Variants in TENM2 observed in about 807,000 individuals in gnomAD.
The protein encoded by TENM2 is teneurin transmembrane protein 2.
In TENM2, 52 loss-of-function variants were observed where a neutral mutation model predicts 245.2. That is an observed-to-expected ratio of 0.21 (90% CI 0.17 to 0.27). The LOEUF is 0.27. Among genes scored for constraint, TENM2 ranks in the 10% least tolerant of loss-of-function variants. TENM2 has a pLI of 1.00. For missense variants in TENM2, 3,046 were observed against 3,666.8 expected (o/e 0.83, Z 4.37); for synonymous variants, 1,363 against 1,438.9 (o/e 0.95, Z 1.19).
chr5:167,771,194 G>A (rs1016627946), intron 2 of TENM2, among the ~76,000 whole-genome samples: 7 of 151,996 alleles, frequency 4.6e-5, no homozygotes, highest in African/African-American at 1.7e-4. Flanking sequence ...GATTAGCCCA[G>A]CACTAAAGAA....
chr5:167,646,626 C>T (rs565763398), intron 2 of TENM2, among the ~76,000 whole-genome samples: 11 of 152,116 alleles, frequency 7.2e-5, no homozygotes, highest in African/African-American at 2.4e-4. Context: ...GACACAAATT[C>T]AGCTAGGCAG....
chr5:167,557,445 C>G (rs548358789), intron 2 of TENM2, among the ~76,000 whole-genome samples: 2 of 152,280 alleles, frequency 1.3e-5, no homozygotes, highest in East Asian at 3.9e-4. Flanking sequence ...TACTTTTACT[C>G]TCCTGCATTT....
At chr5:168,014,354 C>T (rs1222786962) in intron 5 of TENM2, among the ~76,000 whole-genome samples, 1 of 152,126 alleles carries the variant, frequency 6.6e-6, no homozygotes, top group African/African-American at 2.4e-5. Context: ...TATTAGGTGA[C>T]CTTCTCCAAA....
chr5:167,179,179 G>C, the TENM2 span, among the ~76,000 whole-genome samples: 13 of 152,136 alleles, frequency 8.5e-5, no homozygotes, highest in East Asian at 1.9e-4. Context: ...AATTGGCACT[G>C]TCCTCATCCT....
At chr5:167,318,643 A>T (rs1220620722) in intron 1 of TENM2, among the ~76,000 whole-genome samples, 1 of 152,202 alleles carries the variant, frequency 6.6e-6, no homozygotes, top group African/African-American at 2.4e-5. Flanking sequence ...ATGGCAGCTG[A>T]GTCAAAAAGA....
chr5:168,215,308 TA>T (rs1763094794), intron 21 of TENM2, 36 bp downstream of exon 23: 1 of 1,572,910 alleles, frequency 6.4e-7, no homozygotes, highest in Non-Finnish European at 8.7e-7. Context: ...CCGCCCCAGA[TA>T]AAGCTTTGCC....
intron 3 of TENM2, among the ~76,000 whole-genome samples, chr5:167,931,346 A>C (rs1778266762): frequency 6.6e-6 from 1 of 152,106 alleles, no homozygotes; most frequent in African/African-American, 2.4e-5. Flanking sequence ...GTGAGAATGC[A>C]CTTCTGATAA....
At chr5:167,213,572 T>C in the TENM2 span, among the ~76,000 whole-genome samples, 1 of 152,112 alleles carries the variant, frequency 6.6e-6, no homozygotes, top group Non-Finnish European at 1.5e-5. Flanking sequence ...CTATAGCAAA[T>C]GGTAGTGCTG....
chr5:167,296,236 T>A (rs79164661), intron 1 of TENM2: 6,194 of 152,306 alleles, frequency 0.041, 168 homozygotes, highest in African/African-American at 0.077. Flanking sequence ...CCCTGATTTA[T>A]GAATAGTCGG....
intron 2 of TENM2, among the ~76,000 whole-genome samples, chr5:167,659,131 A>G (rs1392628833): frequency 1.3e-5 from 2 of 152,200 alleles, no homozygotes; most frequent in Non-Finnish European, 2.9e-5. Context: ...CCAGCACAAG[A>G]GAGCCTGTTA....
chr5:167,521,605 G>C (rs1204198257), intron 2 of TENM2, among the ~76,000 whole-genome samples: 15 of 152,112 alleles, frequency 9.9e-5, no homozygotes, highest in Admixed American at 9.8e-4. Context: ...CTTCTGACTG[G>C]TTACAGAAAT....
intron 12 of TENM2, among the ~76,000 whole-genome samples, chr5:168,156,262 A>AAAAAAAAC (rs1026280502): frequency 6.7e-6 from 1 of 149,046 alleles, no homozygotes; most frequent in Non-Finnish European, 1.5e-5. Flanking sequence ...AAAAAAAAAA[A>AAAAAAAAC]AAAACACTTT....
chr5:167,424,753 C>A (rs1246977177), intron 2 of TENM2, among the ~76,000 whole-genome samples: 2 of 151,912 alleles, frequency 1.3e-5, no homozygotes, highest in Non-Finnish European at 2.9e-5. Flanking sequence ...AAAAAAAAAT[C>A]TTCTGTTCAG....
At chr5:167,203,771 TA>T in the TENM2 span, among the ~76,000 whole-genome samples, 1 of 152,042 alleles carries the variant, frequency 6.6e-6, no homozygotes, top group Non-Finnish European at 1.5e-5. Flanking sequence ...AAATTTTTTT[TA>T]TTTTTATATA....
intron 2 of TENM2, among the ~76,000 whole-genome samples, chr5:167,533,686 C>T (rs567275618): frequency 1.1e-4 from 16 of 152,150 alleles, no homozygotes; most frequent in African/African-American, 3.6e-4. Context: ...TCTCAAATTC[C>T]TGAGCTGAAG....
At chr5:167,572,928 G>A (rs1465025111) in intron 2 of TENM2, among the ~76,000 whole-genome samples, 1 of 152,126 alleles carries the variant, frequency 6.6e-6, no homozygotes, top group African/African-American at 2.4e-5. Context: ...TTTCCTAATA[G>A]CTTCTTTTCC....
At chr5:168,130,889 CA>C (rs927417589) in intron 12 of TENM2, among the ~76,000 whole-genome samples, 2 of 151,440 alleles carry the variant, frequency 1.3e-5, no homozygotes, top group African/African-American at 4.9e-5. Flanking sequence ...GATCCTGTCT[CA>C]AAAAAAATAC....
At chr5:168,022,528 C>T (rs1210747061) in intron 5 of TENM2, among the ~76,000 whole-genome samples, 1 of 152,214 alleles carries the variant, frequency 6.6e-6, no homozygotes, top group Non-Finnish European at 1.5e-5. Context: ...GCCCATTTTT[C>T]GCCACAACTC....
rs373474275 is a variant in TENM2, at chr5:167,722,957, AC to A, written c.503-153028del. Among the ~76,000 whole-genome samples, 341 of 152,270 alleles carry A rather than the reference AC, an allele frequency of 2.2e-3. 2 individuals are homozygous for A. Among genetic ancestry groups the A allele is most frequent in the Middle Eastern group, 0.01 (3 of 294 alleles). ...TAGTGAGAGTGTGATGAGGCAACCA[AC>A]TACAAAAACCCTCTTTGGAGCTAGA... On this transcript the variant is annotated intron_variant, in intron 2 of 28. Transcript: ENST00000518659.
Sources: gnomAD v4.1 joint callset for allele counts (sites outside exome capture counted in the v4.1 genomes callset) on GRCh38, gnomAD v4.1.1 for gene constraint, MANE v1.5 for transcripts, NCBI Gene and HGNC (gene_info 2026-07-23, HGNC 2026-07-21) for gene names.